The following TSPAN9 variants were observed in gnomAD, a reference collection of about 807,000 sequenced individuals.
TSPAN9 encodes the protein tetraspanin 9.
TSPAN9 carries 16 observed loss-of-function variants against 31.0 expected under a neutral mutation model. The ratio of observed to expected loss-of-function variants is 0.52; its 90% CI spans 0.35 to 0.78. The LOEUF is 0.78. TSPAN9 is among the 30% of genes least tolerant of loss of function. TSPAN9 has a pLI of 0.01. For synonymous variants in TSPAN9, 145 were observed against 121.6 expected, an observed-to-expected ratio of 1.19 and a Z score of -1.27; for missense variants, 272 against 312.5, an observed-to-expected ratio of 0.87 and a Z score of 0.98.
chr12:3,219,443 C>T (rs532211208), intron 3 of TSPAN9, among the ~76,000 whole-genome samples: 21 of 152,132 alleles, frequency 1.4e-4, no homozygotes, highest in South Asian at 2.1e-4. Context: ...CCCCATCTCC[C>T]GGTGTGGGTC....
At chr12:3,252,904 A>C (rs1004722184) in intron 3 of TSPAN9, among the ~76,000 whole-genome samples, 2 of 152,086 alleles carry the variant, frequency 1.3e-5, no homozygotes, top group Non-Finnish European at 2.9e-5. Flanking sequence ...AAATGGGGCT[A>C]TTTCAGGGCA....
intron 3 of TSPAN9, among the ~76,000 whole-genome samples, chr12:3,212,127 A>G (rs571398843): frequency 1.0e-3 from 152 of 152,192 alleles, no homozygotes; most frequent in African/African-American, 3.5e-3. Flanking sequence ...GTGTGCCACC[A>G]TGCCTGGCTA....
Position 3,278,461 on chromosome 12 carries a change from C to G in TSPAN9, c.104C>G (p.Ser35Cys), listed in dbSNP as rs1278609703. Residue 35 changes from serine to cysteine, a missense_variant, in exon 4 of 9, where the codon TCC (serine) becomes TGC (cysteine). Coordinates refer to ENST00000011898, the MANE Select transcript of TSPAN9 (RefSeq NM_006675.5). ...CGLLGVGIWL[S>C]VSQGNFATFS... ...CTGCTGGGAGTGGGCATCTGGCTCT[C>G]CGTGTCCCAAGGCAACTTTGCCACC... 6.2e-7 allele frequency: 1 copy of G among 1,614,220 alleles called. No homozygotes were observed. Among genetic ancestry groups the G allele is most frequent in the East Asian group, 2.2e-5 (1 of 44,886 alleles).
intron 5 of TSPAN9, among the ~76,000 whole-genome samples, 198 bp downstream of exon 5, chr12:3,279,264 C>T (rs1862852442): frequency 6.6e-6 from 1 of 152,162 alleles, no homozygotes. Context: ...CAGCATGGGG[C>T]AGGCAAATTT....
At chr12:3,176,051 C>G (rs2098355368) in intron 2 of TSPAN9, among the ~76,000 whole-genome samples, 2 of 152,228 alleles carry the variant, frequency 1.3e-5, no homozygotes, top group Non-Finnish European at 2.9e-5. Flanking sequence ...CGTCCCAGCC[C>G]TCACCTCTGT....
At chr12:3,212,696 G>A (rs2098379386) in intron 3 of TSPAN9, among the ~76,000 whole-genome samples, 1 of 152,164 alleles carries the variant, frequency 6.6e-6, no homozygotes, top group African/African-American at 2.4e-5. Context: ...GGAGGAGCCC[G>A]CTAGCCAGCT....
At chr12:3,164,204 T>C (rs769178380) in intron 2 of TSPAN9, among the ~76,000 whole-genome samples, 15 of 152,218 alleles carry the variant, frequency 9.9e-5, no homozygotes, top group Non-Finnish European at 1.8e-4. Flanking sequence ...CGTATGAGTT[T>C]TTGCTTTCTA....
At chr12:3,282,075 C>T (rs1464642922) in intron 8 of TSPAN9, 2 of 665,692 alleles carry the variant, frequency 3.0e-6, no homozygotes, top group Non-Finnish European at 5.5e-6. Flanking sequence ...CTGGAGTCAA[C>T]CCCCGTGGGT....
intron 3 of TSPAN9, among the ~76,000 whole-genome samples, chr12:3,249,162 C>G (rs1208253889): frequency 6.6e-6 from 1 of 152,224 alleles, no homozygotes; most frequent in Non-Finnish European, 1.5e-5. Flanking sequence ...GCACAAGGCC[C>G]CACCACAGAA....
intron 3 of TSPAN9, among the ~76,000 whole-genome samples, chr12:3,262,605 G>A (rs1002751972): frequency 6.6e-6 from 1 of 151,976 alleles, no homozygotes; most frequent in African/African-American, 2.4e-5. Context: ...AGGTCTTGGT[G>A]GTGGGAATGC....
chr12:3,156,051 A>G (rs1285225920), intron 2 of TSPAN9, among the ~76,000 whole-genome samples: 1 of 152,226 alleles, frequency 6.6e-6, no homozygotes, highest in Non-Finnish European at 1.5e-5. Flanking sequence ...TAGTTCTTTA[A>G]AAAACAAAGC....
intron 3 of TSPAN9, among the ~76,000 whole-genome samples, chr12:3,222,926 A>G (rs1273505838): frequency 6.6e-6 from 1 of 150,670 alleles, no homozygotes; most frequent in Non-Finnish European, 1.5e-5. Context: ...TTGGCCATCC[A>G]GACCCGGGGA....
At chr12:3,175,359 C>T (rs1302510985) in intron 2 of TSPAN9, among the ~76,000 whole-genome samples, 6 of 152,170 alleles carry the variant, frequency 3.9e-5, no homozygotes, top group Non-Finnish European at 8.8e-5. Flanking sequence ...GGTCAGCGCC[C>T]GGCAGGGGCC....
At chr12:3,110,684 A>C (rs1469331612) in intron 2 of TSPAN9, among the ~76,000 whole-genome samples, 1 of 152,202 alleles carries the variant, frequency 6.6e-6, no homozygotes, top group African/African-American at 2.4e-5. Flanking sequence ...CACATGAATG[A>C]ATTGCAAACC....
intron 1 of TSPAN9, among the ~76,000 whole-genome samples, chr12:3,081,171 G>A (rs2098297615): frequency 6.6e-6 from 1 of 152,192 alleles, no homozygotes; most frequent in Admixed American, 6.5e-5. Context: ...TGCAGTAAAC[G>A]GTGGCTGTTA....
At chr12:3,110,789 A>G (rs1296442902) in intron 2 of TSPAN9, among the ~76,000 whole-genome samples, 11 of 152,240 alleles carry the variant, frequency 7.2e-5, no homozygotes, top group Non-Finnish European at 2.9e-5. Context: ...AACATGTTAC[A>G]TATGCAAGTA....
rs576057679 is a variant in TSPAN9, at chr12:3,244,501, G to A, written c.64-33920G>A. The stretch of plus-strand genomic sequence containing the variant: ...GATGGCGTGAGGTGCGCAGATGGGG[G>A]CAGAGGCAGCTGGTGACGTGGGCTG... On this transcript the variant is annotated intron_variant, in intron 3 of 8. Transcript: ENST00000011898. Among the ~76,000 whole-genome samples the A allele has an allele frequency of 5.3e-5, 8 of 152,344 alleles. No individual in the cohort carries two copies. In the East Asian group the frequency reaches 1.2e-3, roughly 22 times the overall value.
chr12:3,151,472 C>T (rs2098339696), intron 2 of TSPAN9: 1 of 152,228 alleles, frequency 6.6e-6, no homozygotes, highest in African/African-American at 2.4e-5. Flanking sequence ...GGCCGGCTGC[C>T]TGCCACCAGC....
intron 2 of TSPAN9, among the ~76,000 whole-genome samples, chr12:3,161,845 TC>T: frequency 6.6e-6 from 1 of 152,250 alleles, no homozygotes; most frequent in Non-Finnish European, 1.5e-5. Context: ...AGATAGGGTC[TC>T]ACTCTGTCAC....
Sources: allele counts gnomAD v4.1 joint callset (sites outside exome capture counted in the v4.1 genomes callset), GRCh38; gene constraint gnomAD v4.1.1; transcripts MANE v1.5; gene names NCBI Gene and HGNC (gene_info 2026-07-23, HGNC 2026-07-21).